The following RERE variants were observed in gnomAD, a reference collection of about 807,000 sequenced individuals.
RERE encodes the protein arginine-glutamic acid dipeptide repeats.
RERE carries 40 observed loss-of-function variants against 146.1 expected under a neutral mutation model. That is an observed-to-expected ratio of 0.27 (90% confidence interval 0.21 to 0.36). The LOEUF is 0.36. Ranked by LOEUF, RERE falls within the 10% of genes least tolerant of loss-of-function variation. The pLI, the probability that RERE is intolerant of heterozygous loss-of-function variation, is 1.00. For synonymous variants in RERE, 1,003 were observed against 866.0 expected (o/e 1.16, Z -2.78); for missense variants, 1,933 against 2,138.7 (o/e 0.90, Z 1.90).
At chr1:8,498,237 T>C (rs911334463) in intron 8 of RERE, among the ~76,000 whole-genome samples, 4 of 152,034 alleles carry the variant, frequency 2.6e-5, no homozygotes, top group African/African-American at 9.7e-5. Flanking sequence ...CGGGCGCCTA[T>C]AATTCCAGCT....
At chr1:8,521,116 A>C (rs1258912411) in intron 7 of RERE, among the ~76,000 whole-genome samples, 1 of 147,826 alleles carries the variant, frequency 6.8e-6, no homozygotes, top group Admixed American at 6.9e-5. Flanking sequence ...AAGTGGCAGG[A>C]AATGTTTAAT....
chr1:8,509,418 A>G (rs202154383), intron 7 of RERE, among the ~76,000 whole-genome samples: 1 of 81,246 alleles, frequency 1.2e-5, no homozygotes, highest in South Asian at 4.5e-4. Flanking sequence ...CCATCCATCC[A>G]TCCATCCATC....
intron 1 of RERE, among the ~76,000 whole-genome samples, chr1:8,696,744 T>C (rs1348021899): frequency 6.6e-6 from 1 of 151,664 alleles, no homozygotes; most frequent in Non-Finnish European, 1.5e-5. Context: ...ACCCCATCTC[T>C]ACTAAAAATA....
intron 1 of RERE, among the ~76,000 whole-genome samples, chr1:8,689,900 C>T (rs1639173851): frequency 6.6e-6 from 1 of 152,112 alleles, no homozygotes; most frequent in Admixed American, 6.5e-5. Flanking sequence ...AGGCTAACAT[C>T]TGTTCTGCCT....
At chr1:8,710,989 T>A (rs1639655788) in intron 1 of RERE, among the ~76,000 whole-genome samples, 1 of 151,508 alleles carries the variant, frequency 6.6e-6, no homozygotes, top group Admixed American at 6.6e-5. Context: ...ACACCCCATC[T>A]CCATTAAAAT....
At chr1:8,542,561 A>T (rs1645811957) in intron 6 of RERE, among the ~76,000 whole-genome samples, 1 of 152,158 alleles carries the variant, frequency 6.6e-6, no homozygotes, top group South Asian at 2.1e-4. Context: ...GTGACTTCAC[A>T]CCTGTAATCC....
rs1355359320 is a variant in RERE, at chr1:8,423,472, C to A, written c.1204-665G>T. The stretch of plus-strand genomic sequence containing the variant: ...ATTTTCGCAGCAGACTCGTCCCTAA[C>A]CCCAGCCCGGAGACTTTCACTTTGT... On this transcript the variant is annotated intron_variant, in intron 11 of 22. Transcript: ENST00000400908. The surrounding 1 kb of genome is among the most constrained non-coding windows in gnomAD (Gnocchi z 5.4). 6.5e-6 allele frequency: 6 copies of A among 923,010 alleles called. No homozygotes were observed. Among genetic ancestry groups the A allele is most frequent in the Non-Finnish European group, 7.8e-6 (6 of 772,838 alleles). The allele number at this position is 923,010 out of a possible 1,614,324, so 57.2% of individuals were successfully genotyped here.
At chr1:8,494,439 C>A (rs532999480) in intron 10 of RERE, among the ~76,000 whole-genome samples, 2 of 152,110 alleles carry the variant, frequency 1.3e-5, no homozygotes, top group African/African-American at 4.8e-5. Context: ...AATAATAGAA[C>A]CTAGAGGCCG....
chr1:8,792,978 G>A (rs1046422736), intron 1 of RERE, among the ~76,000 whole-genome samples: 1 of 151,888 alleles, frequency 6.6e-6, no homozygotes, highest in African/African-American at 2.4e-5. Flanking sequence ...CCAACACGGT[G>A]AAACCCCGTT....
intron 1 of RERE, among the ~76,000 whole-genome samples, chr1:8,667,025 G>C (rs1570585362): frequency 6.6e-6 from 1 of 152,228 alleles, no homozygotes; most frequent in African/African-American, 2.4e-5. Context: ...TGGTATCAGA[G>C]CAGAAGGCAG....
chr1:8,722,577 C>A (rs577247309), intron 1 of RERE, among the ~76,000 whole-genome samples: 1 of 152,282 alleles, frequency 6.6e-6, no homozygotes, highest in South Asian at 2.1e-4. Flanking sequence ...GTGGTTTCAA[C>A]CAACCACGGA....
intron 1 of RERE, among the ~76,000 whole-genome samples, chr1:8,690,952 C>G (rs1288209082): frequency 6.6e-6 from 1 of 152,000 alleles, no homozygotes; most frequent in Non-Finnish European, 1.5e-5. Context: ...GGCTGGAATG[C>G]AGTGGTGCAA....
At position 8,540,369 on chromosome 1, in the gene RERE, T is replaced by TCC. The variant is rs148947902; in HGVS notation, c.830+843_830+844dup. Among the ~76,000 whole-genome samples, 372 of 152,328 alleles carry TCC rather than the reference T, an allele frequency of 2.4e-3. 3 individuals carry two copies. The highest frequency in any genetic ancestry group is 8.2e-3 in the African/African-American group (342 of 41,574). ...CTCAAGCAATCCTCCCACTGTGGCC[T>TCC]CCTAAGGTTCTAGGATTACAGGCAT... On this transcript the variant is annotated intron_variant, in intron 7 of 22. Coordinates refer to ENST00000400908, the MANE Select transcript of RERE (RefSeq NM_001042681.2).
chr1:8,579,038 G>A (rs936185150), intron 4 of RERE, among the ~76,000 whole-genome samples: 1 of 152,142 alleles, frequency 6.6e-6, no homozygotes, highest in African/African-American at 2.4e-5. Context: ...AATGTTTCTT[G>A]AAATCCTTGC....
chr1:8,371,788 G>A (rs960436579), intron 12 of RERE, among the ~76,000 whole-genome samples: 2 of 152,210 alleles, frequency 1.3e-5, no homozygotes, highest in African/African-American at 2.4e-5. Flanking sequence ...GAGGCTGCCT[G>A]TACCCATTTC....
intron 1 of RERE, among the ~76,000 whole-genome samples, chr1:8,734,264 G>A (rs1380816386): frequency 1.3e-5 from 2 of 152,146 alleles, no homozygotes; most frequent in South Asian, 2.1e-4. Flanking sequence ...ATTTCTCAAA[G>A]TATTATATTA....
intron 2 of RERE, among the ~76,000 whole-genome samples, chr1:8,647,747 T>G (rs1401818137): frequency 6.6e-6 from 1 of 151,678 alleles, no homozygotes; most frequent in South Asian, 2.1e-4. Flanking sequence ...GTCTGAGTAA[T>G]TAATTGCCTT....
At chr1:8,716,226 GC>G in intron 1 of RERE, among the ~76,000 whole-genome samples, 1 of 150,950 alleles carries the variant, frequency 6.6e-6, no homozygotes, top group Non-Finnish European at 1.5e-5. Context: ...ACTTTGAGAG[GC>G]CAAGGTGGCA....
intron 12 of RERE, among the ~76,000 whole-genome samples, chr1:8,409,971 A>ATT (rs57424627): frequency 0.03 from 2,854 of 95,364 alleles, 107 homozygotes; most frequent in Middle Eastern, 0.044. Context: ...CAATCAGGCA[A>ATT]TTTTTTTTTT....
Sources: allele counts gnomAD v4.1 joint callset (sites outside exome capture counted in the v4.1 genomes callset), GRCh38; gene constraint gnomAD v4.1.1; non-coding constraint Gnocchi (gnomAD v3.1); transcripts MANE v1.5; gene names NCBI Gene and HGNC (gene_info 2026-07-23, HGNC 2026-07-21).